Variants in AP1G1 observed in about 807,000 individuals in gnomAD.
AP1G1 encodes the protein adaptor related protein complex 1 subunit gamma 1.
A neutral mutation model predicts 108.3 loss-of-function variants in AP1G1; 7 were observed. The observed-to-expected ratio is 0.06, with a 90% CI of 0.04 to 0.12. The LOEUF is 0.12. AP1G1 is among the 10% of genes least tolerant of loss of function. The pLI is 1.00. For missense variants in AP1G1, 756 were observed against 1,010.7 expected, an observed-to-expected ratio of 0.75 and a Z score of 3.42; for synonymous variants, 379 against 353.5, an observed-to-expected ratio of 1.07 and a Z score of -0.81.
chr16:71,801,766 CA>C (rs1163032588), intron 1 of AP1G1, among the ~76,000 whole-genome samples: 1 of 151,820 alleles, frequency 6.6e-6, no homozygotes, highest in African/African-American at 2.4e-5. Flanking sequence ...ACTGAAAATA[CA>C]AAAAATTAGC....
Position 71,730,878 on chromosome 16 carries a change from C to T in AP1G1, c.*2180G>A, listed in dbSNP as rs1003724273. On this transcript the variant is annotated 3_prime_UTR_variant, in exon 23 of 23. Transcript: ENST00000299980. ...TGCTCTGTCAGCAGAGTAGACCCTT[C>T]CCAGCTCCATTAGCTGACAGTGTCT... is the stretch of plus-strand genomic sequence containing the variant. The T allele has an allele frequency of 2.6e-5, 4 of 152,460 alleles. No homozygotes were observed. The highest frequency in any genetic ancestry group is 6.5e-5 in the Admixed American group (1 of 15,276). 9.4% of individuals were successfully genotyped at this position (152,460 alleles called of 1,614,324 possible).
chr16:71,746,220 C>T (rs1341395634), intron 17 of AP1G1, among the ~76,000 whole-genome samples: 1 of 152,164 alleles, frequency 6.6e-6, no homozygotes, highest in Non-Finnish European at 1.5e-5. Context: ...CCATGTTGGC[C>T]AGGATGGTCT....
At chr16:71,745,833 C>T (rs1488684641) in intron 17 of AP1G1, among the ~76,000 whole-genome samples, 1 of 116,606 alleles carries the variant, frequency 8.6e-6, no homozygotes, top group African/African-American at 3.2e-5. Flanking sequence ...GACTGCCCAG[C>T]TAAATCCCAA....
chr16:71,795,677 C>G (rs1015841344), intron 1 of AP1G1, among the ~76,000 whole-genome samples: 1 of 152,200 alleles, frequency 6.6e-6, no homozygotes, highest in African/African-American at 2.4e-5. Flanking sequence ...ACTAGAAAAG[C>G]TTAAATCAAA....
chr16:71,773,114 A>G, intron 4 of AP1G1, 107 bp downstream of exon 4: 1 of 1,245,754 alleles, frequency 8.0e-7, no homozygotes, highest in Non-Finnish European at 1.2e-6. Context: ...ACTACACAGA[A>G]AAAATGACTT....
chr16:71,780,351 G>T (rs2145504666), intron 2 of AP1G1, among the ~76,000 whole-genome samples: 1 of 151,952 alleles, frequency 6.6e-6, no homozygotes, highest in East Asian at 1.9e-4. Context: ...AATCAGCCAG[G>T]CGTGGTGGCA....
chr16:71,750,425 CT>C (rs1162634835), intron 13 of AP1G1, 93 bp from the exon 14 acceptor site: 2 of 1,501,048 alleles, frequency 1.3e-6, no homozygotes, highest in Non-Finnish European at 1.8e-6. Flanking sequence ...TTTTTCCTTT[CT>C]TTTTTTGAGA....
At chr16:71,733,492 G>A (rs1317710754) in intron 22 of AP1G1, among the ~76,000 whole-genome samples, 1 of 6,210 alleles carries the variant, frequency 1.6e-4, no homozygotes, top group African/African-American at 5.8e-4. Context: ...CCAGGCTGGA[G>A]TGCAGTGGCA....
At chr16:71,759,530 G>A (rs2030974485) in intron 10 of AP1G1, among the ~76,000 whole-genome samples, 1 of 151,444 alleles carries the variant, frequency 6.6e-6, no homozygotes, top group Admixed American at 6.6e-5. Context: ...GGAGGCCCAG[G>A]TGGGCGGATC....
intron 1 of AP1G1, among the ~76,000 whole-genome samples, chr16:71,802,344 G>T (rs373302809): frequency 6.6e-6 from 1 of 152,080 alleles, no homozygotes. Context: ...TTAGCTCACT[G>T]CAGCCTTGAA....
At chr16:71,743,356 C>CT (rs1418216394) in intron 19 of AP1G1, 1 of 152,068 alleles carries the variant, frequency 6.6e-6, no homozygotes, top group Non-Finnish European at 1.5e-5. Flanking sequence ...ACTTGTTATC[C>CT]TATGTCTATT....
intron 2 of AP1G1, among the ~76,000 whole-genome samples, chr16:71,779,770 G>A (rs1207218463): frequency 2.0e-5 from 3 of 151,824 alleles, no homozygotes; most frequent in South Asian, 2.1e-4. Flanking sequence ...TGTTTAATCC[G>A]GTTACCCCTG....
chr16:71,796,319 A>T (rs972908398), intron 1 of AP1G1, among the ~76,000 whole-genome samples: 1 of 152,196 alleles, frequency 6.6e-6, no homozygotes, highest in Non-Finnish European at 1.5e-5. Flanking sequence ...TAAGACAAGC[A>T]TAATTCTTTG....
rs2031709633 is a variant in AP1G1 at position 71,774,717 on chromosome 16, C to T, written c.202-125G>A. ...AGTACAAATGTGTTTCATCAAACTA[C>T]CTAAATCTTTTCTTTTTTTTGAGAC... is the stretch of plus-strand genomic sequence containing the variant. On this transcript the variant is annotated intron_variant, in intron 2 of 22. Transcript: ENST00000299980. 1.3e-5 allele frequency: 14 copies of T among 1,044,084 alleles called. No homozygotes were observed. In the South Asian group the frequency reaches 2.6e-4, roughly 19 times the overall value. The allele number at this position is 1,044,084 out of a possible 1,614,324, so 64.7% of individuals were successfully genotyped here.
chr16:71,779,340 C>CT (rs1314166835), intron 2 of AP1G1, among the ~76,000 whole-genome samples: 27 of 149,844 alleles, frequency 1.8e-4, no homozygotes, highest in African/African-American at 6.6e-4. Flanking sequence ...ATATGACTCT[C>CT]TTTTTTGGGG....
At position 71,739,117 on chromosome 16, in the gene AP1G1, GAAGAT is replaced by G. The variant is rs769290502; in HGVS notation, c.2108-20_2108-16del. The G allele has an allele frequency of 6.2e-7, 1 of 1,613,842 alleles. No individual in the cohort carries two copies. The highest frequency in any genetic ancestry group is 1.1e-5 in the South Asian group (1 of 91,068). ...GGAGGGGATGCCTGAGAAAGTACAG[GAAGAT>G]AAGTCTTATTGTAGTCAGCCTAATG... is the stretch of plus-strand genomic sequence containing the variant. On this transcript the variant is annotated splice_polypyrimidine_tract_variant and intron_variant, in intron 20 of 22. Transcript: ENST00000299980.
In AP1G1 at chr16:71,774,599, A is replaced by G. The variant is rs759291704; in HGVS notation, c.202-7T>C. ...TAAGCTTGAGGCACTCCAACTGCAA[A>G]AAAAGAAAAAAAAAAAGAAGGAAAT... On this transcript the variant is annotated splice_region_variant and splice_polypyrimidine_tract_variant and intron_variant, in intron 2 of 22. Coordinates refer to ENST00000299980, the MANE Select transcript of AP1G1 (RefSeq NM_001128.6). 8.4e-6 allele frequency: 13 copies of G among 1,552,656 alleles called. No homozygotes were observed. The South Asian group carries it at 1.6e-4, about 19-fold the overall frequency.
rs111420512 is a variant in AP1G1, at chr16:71,779,456, T to C, written c.202-4864A>G. 3.4e-3 allele frequency among the ~76,000 whole-genome samples: 523 copies of C among 152,108 alleles called. 6 individuals are homozygous for C. Among genetic ancestry groups the C allele is most frequent in the African/African-American group, 0.012 (499 of 41,492 alleles). Reference sequence around the variant, plus strand: ...CTCACGTTCAAGCAGTTCTCGTGCCTCAACCTCCCAAGTAGCTGGAACTAC... The same window carrying C: ...CTCACGTTCAAGCAGTTCTCGTGCCCCAACCTCCCAAGTAGCTGGAACTAC... On this transcript the variant is annotated intron_variant, in intron 2 of 22. Coordinates refer to ENST00000299980, the MANE Select transcript of AP1G1 (RefSeq NM_001128.6).
intron 1 of AP1G1, among the ~76,000 whole-genome samples, chr16:71,803,234 T>C (rs2032871648): frequency 1.3e-5 from 2 of 152,032 alleles, no homozygotes; most frequent in Non-Finnish European, 2.9e-5. Flanking sequence ...AATAAATAAA[T>C]AATAAGATGT....
Sources: allele counts gnomAD v4.1 joint callset (sites outside exome capture counted in the v4.1 genomes callset), GRCh38; gene constraint gnomAD v4.1.1; transcripts MANE v1.5; gene names NCBI Gene and HGNC (gene_info 2026-07-23, HGNC 2026-07-21).